Variants in RPAP2 observed in about 807,000 individuals in gnomAD.
The protein encoded by RPAP2 is RNA polymerase II associated protein 2, also known as putative RNA polymerase II subunit B1 CTD phosphatase RPAP2.
RPAP2 carries 52 observed loss-of-function variants against 73.1 expected under a neutral mutation model. The observed-to-expected ratio is 0.71, with a 90% CI of 0.57 to 0.90. The LOEUF is 0.90. RPAP2 is among the 40% of genes least tolerant of loss of function. RPAP2 has a pLI of 0.00. For synonymous variants in RPAP2, 225 were observed against 242.1 expected, an observed-to-expected ratio of 0.93 and a Z score of 0.65; for missense variants, 598 against 701.8, an observed-to-expected ratio of 0.85 and a Z score of 1.67.
intron 1 of RPAP2, among the ~76,000 whole-genome samples, chr1:92,299,565 G>T (rs1420498221): frequency 6.6e-6 from 1 of 152,150 alleles, no homozygotes; most frequent in Non-Finnish European, 1.5e-5. Context: ...CAGAGAGGAC[G>T]TTTGGCAGAC....
chr1:92,299,545 C>T (rs10875349), intron 1 of RPAP2, among the ~76,000 whole-genome samples: 71,840 of 151,796 alleles, frequency 0.47, 18,022 homozygotes, highest in East Asian at 0.96. Context: ...GCCGGACTCC[C>T]CTCTTCCCCC....
At chr1:92,319,051 G>GA (rs1455278787) in intron 6 of RPAP2, among the ~76,000 whole-genome samples, 2 of 152,034 alleles carry the variant, frequency 1.3e-5, no homozygotes, top group Non-Finnish European at 2.9e-5. Context: ...TTAAAAAAGA[G>GA]AAAAAAGGGA....
At chr1:92,382,017 G>A (rs552338695) in intron 12 of RPAP2, among the ~76,000 whole-genome samples, 53 of 151,080 alleles carry the variant, frequency 3.5e-4, no homozygotes, top group African/African-American at 1.3e-3. Flanking sequence ...AGAACATGCG[G>A]TGTTTGGTTT....
At chr1:92,350,160 T>C (rs1260880608) in intron 11 of RPAP2, among the ~76,000 whole-genome samples, 1 of 152,180 alleles carries the variant, frequency 6.6e-6, no homozygotes, top group Non-Finnish European at 1.5e-5. Flanking sequence ...TATTGATATT[T>C]ATACTATGAA....
intron 9 of RPAP2, 69 bp downstream of exon 9, chr1:92,333,542 TGTAA>T: frequency 1.9e-6 from 2 of 1,027,170 alleles, no homozygotes; most frequent in Admixed American, 1.7e-5. Flanking sequence ...GCTCATAATG[TGTAA>T]GTATTATCCT....
rs972553196 is a variant in RPAP2, at chr1:92,400,014, T to A, written c.*13003T>A. ...AAAAAAAGCACAAACTAAGACTCAA[T>A]GAGGTTTATCTTCCACAAGATCAGC... On this transcript the variant is annotated 3_prime_UTR_variant, in exon 13 of 13. Transcript: ENST00000610020. 6.6e-6 allele frequency: 1 copy of A among 152,170 alleles called. No homozygotes were observed. The highest frequency in any genetic ancestry group is 2.4e-5 in the African/African-American group (1 of 41,444). 9.4% of individuals were successfully genotyped at this position (152,170 alleles called of 1,614,324 possible). A position where few individuals can be genotyped will look rare whatever the true frequency, so the allele number is the denominator to read the frequency against.
intron 6 of RPAP2, 36 bp downstream of exon 6, chr1:92,307,312 A>T: frequency 7.4e-7 from 1 of 1,358,828 alleles, no homozygotes. Flanking sequence ...ATTTGTTCAT[A>T]TATTCTAATA....
chr1:92,341,572 C>T (rs1653596454), intron 10 of RPAP2, among the ~76,000 whole-genome samples: 1 of 152,200 alleles, frequency 6.6e-6, no homozygotes, highest in African/African-American at 2.4e-5. Flanking sequence ...ACTCTAAATA[C>T]ATTTTTGGTG....
intron 12 of RPAP2, among the ~76,000 whole-genome samples, chr1:92,383,007 A>AG (rs1655713277): frequency 6.6e-6 from 1 of 152,168 alleles, no homozygotes; most frequent in Non-Finnish European, 1.5e-5. Flanking sequence ...TTTTCCCAGC[A>AG]CCATTTATTA....
At chr1:92,380,544 T>C (rs1199768126) in intron 11 of RPAP2, among the ~76,000 whole-genome samples, 180 bp from the exon 12 acceptor site, 1 of 152,248 alleles carries the variant, frequency 6.6e-6, no homozygotes. Flanking sequence ...ATGTTTGATC[T>C]TTCAGTCTTT....
At chr1:92,326,147 A>T (rs554322183) in intron 8 of RPAP2, among the ~76,000 whole-genome samples, 9 of 152,096 alleles carry the variant, frequency 5.9e-5, no homozygotes, top group African/African-American at 2.2e-4. Context: ...TTCCACTACT[A>T]CTATATGGGA....
chr1:92,329,074 T>C (rs996580707), intron 8 of RPAP2, among the ~76,000 whole-genome samples: 1 of 152,146 alleles, frequency 6.6e-6, no homozygotes, highest in South Asian at 2.1e-4. Flanking sequence ...GGGTCCTTAA[T>C]TGTATTTTTT....
intron 8 of RPAP2, among the ~76,000 whole-genome samples, chr1:92,330,098 C>A (rs575009334): frequency 2.2e-3 from 329 of 152,322 alleles, no homozygotes; most frequent in African/African-American, 7.6e-3. Context: ...AATGACTCTT[C>A]TGCACCGTCC....
chr1:92,313,968 G>T (rs1322245316), intron 6 of RPAP2, among the ~76,000 whole-genome samples: 1 of 152,134 alleles, frequency 6.6e-6, no homozygotes, highest in Non-Finnish European at 1.5e-5. Flanking sequence ...ACCTCTCTCA[G>T]TCTTCACAGA....
intron 8 of RPAP2, among the ~76,000 whole-genome samples, chr1:92,332,343 A>T (rs1393686503): frequency 6.6e-6 from 1 of 152,078 alleles, no homozygotes; most frequent in Non-Finnish European, 1.5e-5. Flanking sequence ...ATTATCTGTC[A>T]AAAATTTTCA....
At chr1:92,347,167 C>T (rs911612590) in intron 11 of RPAP2, among the ~76,000 whole-genome samples, 1 of 152,124 alleles carries the variant, frequency 6.6e-6, no homozygotes, top group African/African-American at 2.4e-5. Context: ...CTTGAATGCC[C>T]TGATATAAAT....
intron 11 of RPAP2, among the ~76,000 whole-genome samples, chr1:92,346,200 G>C (rs1186293986): frequency 6.8e-6 from 1 of 147,236 alleles, no homozygotes; most frequent in African/African-American, 2.5e-5. Context: ...GTCTCGCTCT[G>C]TTGCCCATGC....
In RPAP2 at chr1:92,396,716, C is replaced by A; in HGVS notation, c.*9705C>A. On this transcript the variant is annotated 3_prime_UTR_variant, in exon 13 of 13. Coordinates refer to ENST00000610020, the MANE Select transcript of RPAP2 (RefSeq NM_024813.3). Reference sequence around the variant, plus strand: ...AGTGCAATGGCGCGATCTCAGCTCACCACAACCTCCGCCTCCTGGGTTGAA... The same window carrying A: ...AGTGCAATGGCGCGATCTCAGCTCAACACAACCTCCGCCTCCTGGGTTGAA... 1 of 152,976 alleles carries A rather than the reference C, an allele frequency of 6.5e-6. No individual in the cohort carries two copies. Among genetic ancestry groups the A allele is most frequent in the Non-Finnish European group, 1.5e-5 (1 of 68,662 alleles). The allele number at this position is 152,976 out of a possible 1,614,324, so 9.5% of individuals were successfully genotyped here.
chr1:92,373,770 A>AAAC (rs1557630371), intron 11 of RPAP2, among the ~76,000 whole-genome samples: 3 of 138,398 alleles, frequency 2.2e-5, no homozygotes, highest in Admixed American at 7.4e-5. Flanking sequence ...AAAAAAAAAA[A>AAAC]GTAGCCAGGC....
Sources: allele counts gnomAD v4.1 joint callset (sites outside exome capture counted in the v4.1 genomes callset), GRCh38; gene constraint gnomAD v4.1.1; transcripts MANE v1.5; gene names NCBI Gene and HGNC (gene_info 2026-07-23, HGNC 2026-07-21).